Variants in BAP1 observed in about 807,000 individuals in gnomAD.
The protein encoded by BAP1 is ubiquitin carboxyl-terminal hydrolase BAP1.
A neutral mutation model predicts 77.2 loss-of-function variants in BAP1; 16 were observed. The observed-to-expected ratio is 0.21, with a 90% CI of 0.14 to 0.31. The LOEUF is 0.31. Among genes scored for constraint, BAP1 ranks in the 10% least tolerant of loss-of-function variants. BAP1 has a pLI of 1.00. For synonymous variants in BAP1, 362 were observed against 385.2 expected (o/e 0.94, Z 0.71); for missense variants, 699 against 967.3 (o/e 0.72, Z 3.68).
chr3:52,406,574 A>T lies in BAP1; in HGVS notation c.660-198T>A. ...TTCCAACAAGCTGTATGAGGGGCCT[A>T]TCTGGAAGTGAACCAGCAGACCTGG... On this transcript the variant is annotated intron_variant, in intron 8 of 16. Transcript: ENST00000460680. The surrounding 1 kb of genome is among the most constrained non-coding windows in gnomAD (Gnocchi z 4.6). The T allele has an allele frequency of 2.1e-6, 2 of 942,402 alleles. No homozygotes were observed. The highest frequency in any genetic ancestry group is 3.2e-6 in the Non-Finnish European group (2 of 621,792). The allele number at this position is 942,402 out of a possible 1,614,324, so 58.4% of individuals were successfully genotyped here. A position where few individuals can be genotyped will look rare whatever the true frequency, so the allele number is the denominator to read the frequency against.
Position 52,403,800 on chromosome 3 carries a change from C to T in BAP1, c.1345G>A (p.Ala449Thr), listed in dbSNP as rs764734266. ...VLQPNTINVLAEKLKESQKDL... is the reference protein window; with the variant it reads ...VLQPNTINVLTEKLKESQKDL... Reference sequence around the variant, plus strand: ...TTCTGGGACTCTTTGAGCTTCTCAGCCAAGACGTTGATGGTGTTGGGCTGC... The same window carrying T: ...TTCTGGGACTCTTTGAGCTTCTCAGTCAAGACGTTGATGGTGTTGGGCTGC... Residue 449 changes from alanine (A) to threonine (T), a missense_variant, in exon 13 of 17, where the codon GCT (alanine) becomes ACT (threonine). By Grantham distance (58) the Ala-to-Thr change is moderately conservative. This residue lies in a region of BAP1 where 475 missense variants were observed against 532.4 expected (regional missense o/e 0.89). Transcript: ENST00000460680. This position sits in a 1 kb window ranked among gnomAD's most constrained non-coding sequence, Gnocchi z 4.0. The T allele has an allele frequency of 1.9e-6, 3 of 1,613,972 alleles. No homozygotes were observed. The highest frequency in any genetic ancestry group is 2.7e-5 in the African/African-American group (2 of 74,878).
intron 4 of BAP1, 30 bp from the exon 5 acceptor site, chr3:52,408,107 C>G (rs1405016097): frequency 6.3e-7 from 1 of 1,580,582 alleles, no homozygotes; most frequent in East Asian, 2.3e-5. Context: ...CACCCATACA[C>G]AGCACCCCTC....
rs1578220972 is a variant in BAP1, at chr3:52,403,744, A to G, written c.1401T>C (p.Thr467=). 4 of 1,613,962 alleles carry G rather than the reference A, an allele frequency of 2.5e-6. No homozygotes were observed. In the South Asian group the frequency reaches 4.4e-5, roughly 18 times the overall value. The part of the protein sequence containing the change: ...KDLSIPLSIK[T]SSGAGSPAVA... ...CAGCCGGACTCCCAGCCCCGCTGCT[A>G]GTCTTGATGGACAGAGGAATTGAGA... The change falls in exon 13 of 17, where the codon ACT becomes ACC. Residue 467 remains threonine, a synonymous_variant. Coordinates refer to ENST00000460680, the MANE Select transcript of BAP1 (RefSeq NM_004656.4). This position sits in a 1 kb window ranked among gnomAD's most constrained non-coding sequence, Gnocchi z 4.0.
At position 52,404,559 on chromosome 3, in the gene BAP1, C is replaced by T. The variant is rs1290266682; in HGVS notation, c.1144G>A (p.Gly382Ser). Residue 382 changes from glycine (G) to serine (S), a missense_variant, in exon 12 of 17, where the codon GGC (glycine) becomes AGC (serine). Gly to Ser is a moderately conservative substitution (Grantham distance 56). Around this residue, in one of 3 missense-constraint regions of BAP1, gnomAD observed 475 missense variants for 532.4 expected, o/e 0.89. Coordinates refer to ENST00000460680, the MANE Select transcript of BAP1 (RefSeq NM_004656.4). ...GGGCGGACTGGAACTCGGCTGCGGC[C>T]CACACCTGCCGCCAGGTCTTCTTCC... is the stretch of plus-strand genomic sequence containing the variant. ...QEEEDLAAGV[G>S]RSRVPVRPPQ... The T allele has an allele frequency of 1.2e-6, 2 of 1,613,286 alleles. No individual in the cohort carries two copies. Among genetic ancestry groups the T allele is most frequent in the Non-Finnish European group, 1.7e-6 (2 of 1,179,852 alleles).
At position 52,401,954 on chromosome 3, in the gene BAP1, G is replaced by A; in HGVS notation, c.*334C>T. On this transcript the variant is annotated 3_prime_UTR_variant, in exon 17 of 17. Transcript: ENST00000460680. ...TGGTGGCATGTTGGGTTGGAGCCCA[G>A]AAAAATAGATGTCTCTGATAGGTAA... 1 of 452,290 alleles carries A rather than the reference G, an allele frequency of 2.2e-6. No homozygotes were observed. The highest frequency in any genetic ancestry group is 4.0e-6 in the Non-Finnish European group (1 of 248,048). The allele number at this position is 452,290 out of a possible 1,614,324, so 28.0% of individuals were successfully genotyped here. A position where few individuals can be genotyped will look rare whatever the true frequency, so the allele number is the denominator to read the frequency against.
chr3:52,409,431 C>T, intron 3 of BAP1, 123 bp downstream of exon 3: 3 of 1,318,450 alleles, frequency 2.3e-6, no homozygotes, highest in Non-Finnish European at 3.3e-6. Flanking sequence ...AGCAAGGCTG[C>T]TGCTTTCTGT....
intron 11 of BAP1, among the ~76,000 whole-genome samples, 188 bp from the exon 12 acceptor site, chr3:52,404,774 G>A (rs542819424): frequency 3.3e-5 from 5 of 152,308 alleles, no homozygotes; most frequent in South Asian, 2.1e-4. Flanking sequence ...AGAACCCCAC[G>A]GAGGGGTTTT....
At position 52,403,767 on chromosome 3, in the gene BAP1, A is replaced by T; in HGVS notation, c.1378T>A (p.Ser460Thr). The T allele has an allele frequency of 6.2e-7, 1 of 1,614,084 alleles. No homozygotes were observed. Among genetic ancestry groups the T allele is most frequent in the Non-Finnish European group, 8.5e-7 (1 of 1,180,026 alleles). ...EKLKESQKDL[S>T]IPLSIKTSSG... ...CTAGTCTTGATGGACAGAGGAATTG[A>T]GAGGTCCTTCTGGGACTCTTTGAGC... The change falls in exon 13 of 17, where the codon TCA (serine) becomes ACA (threonine). Residue 460 changes from serine (S) to threonine (T), a missense_variant. By Grantham distance (58) the Ser-to-Thr change is moderately conservative. Coordinates refer to ENST00000460680, the MANE Select transcript of BAP1 (RefSeq NM_004656.4). This position sits in a 1 kb window ranked among gnomAD's most constrained non-coding sequence, Gnocchi z 4.0.
rs1450323802 is a variant in BAP1, at chr3:52,405,826, G to C, written c.870C>G (p.Asn290Lys). The C allele has an allele frequency of 6.2e-7, 1 of 1,614,084 alleles. No homozygotes were observed. Among genetic ancestry groups the C allele is most frequent in the Non-Finnish European group, 8.5e-7 (1 of 1,180,044 alleles). ...QLPEESKSAS[N>K]KSPLVLEANR... ...TTGCTTCCAGCACCAGCGGGGACTT[G>C]TTGCTGGCTGACTTGGACTCCTCAG... Residue 290 changes from asparagine to lysine, a missense_variant, in exon 10 of 17, where the codon AAC (asparagine) becomes AAG (lysine). Coordinates refer to ENST00000460680, the MANE Select transcript of BAP1 (RefSeq NM_004656.4).
In BAP1 at chr3:52,402,747, G is replaced by A. The variant is rs2153226264; in HGVS notation, c.1983+32C>T. The A allele has an allele frequency of 6.2e-7, 1 of 1,614,174 alleles. No individual in the cohort carries two copies. The highest frequency in any genetic ancestry group is 8.5e-7 in the Non-Finnish European group (1 of 1,180,000). On this transcript the variant is annotated intron_variant, in intron 15 of 16. Transcript: ENST00000460680. This position sits in a 1 kb window ranked among gnomAD's most constrained non-coding sequence, Gnocchi z 5.3. ...GCAGCCACCAGTGGACCTCGGGAGA[G>A]GCCAGATCAGGCAACTGGAGAAATC...
chr3:52,408,597 A>G lies in BAP1; in HGVS notation c.132T>C (p.Tyr44=), dbSNP rs1265456777. 6.2e-7 allele frequency: 1 copy of G among 1,609,758 alleles called. No individual in the cohort carries two copies. Among genetic ancestry groups the G allele is most frequent in the Non-Finnish European group, 8.5e-7 (1 of 1,178,260 alleles). The change falls in exon 4 of 17, where the codon TAT becomes TAC. Residue 44 remains tyrosine (Y), a synonymous_variant. Coordinates refer to ENST00000460680, the MANE Select transcript of BAP1 (RefSeq NM_004656.4). ...TCCATTTGAACAGGAAGATAAATCC[A>G]TATACAGGGCTGGGGGAAGTAAGGG... is the stretch of plus-strand genomic sequence containing the variant. ...DLQSKCQGPV[Y]GFIFLFKWIE...
Position 52,406,686 on chromosome 3 carries a change from A to G in BAP1, c.659+143T>C. The G allele has an allele frequency of 9.2e-7, 1 of 1,083,580 alleles. No homozygotes were observed. The highest frequency in any genetic ancestry group is 1.4e-5 in the South Asian group (1 of 72,022). 67.1% of individuals were successfully genotyped at this position (1,083,580 alleles called of 1,614,324 possible). A position where few individuals can be genotyped will look rare whatever the true frequency, so the allele number is the denominator to read the frequency against. ...CAGCCCAGGCAGGAAATAAGACAAC[A>G]AGTTGAGAACCCATGATCTAAGCCT... On this transcript the variant is annotated intron_variant, in intron 8 of 16. Coordinates refer to ENST00000460680, the MANE Select transcript of BAP1 (RefSeq NM_004656.4). The surrounding 1 kb of genome is among the most constrained non-coding windows in gnomAD (Gnocchi z 4.6).
At chr3:52,409,491 G>A (rs1223247197) in intron 3 of BAP1, 63 bp downstream of exon 3, 27 of 1,602,276 alleles carry the variant, frequency 1.7e-5, no homozygotes, top group Non-Finnish European at 2.1e-5. Context: ...AAGGGGCCCT[G>A]TTCTCTGGGA....
In BAP1 at chr3:52,404,509, C is replaced by T. The variant is rs2153226853; in HGVS notation, c.1194G>A (p.Glu398=). 1 of 1,614,232 alleles carries T rather than the reference C, an allele frequency of 6.2e-7. No individual in the cohort carries two copies. Among genetic ancestry groups the T allele is most frequent in the Non-Finnish European group, 8.5e-7 (1 of 1,180,046 alleles). Residue 398 remains glutamate (E), a synonymous_variant, in exon 12 of 17, where the codon GAG becomes GAA. Transcript: ENST00000460680. Reference sequence around the variant, plus strand: ...CCTCCTCGTCATCCTCATAGTCATCCTCATCATCTGAGTACTGCTGGGGTG... The same window carrying T: ...CCTCCTCGTCATCCTCATAGTCATCTTCATCATCTGAGTACTGCTGGGGTG... ...VRPPQQYSDD[E]DDYEDDEEDD...
rs570601012 is a variant in BAP1, at chr3:52,409,922, TC to T, written c.-45del. The T allele has an allele frequency of 3.3e-5, 53 of 1,596,150 alleles. No individual in the cohort carries two copies. In the African/African-American group the frequency reaches 6.4e-4, roughly 19 times the overall value. On this transcript the variant is annotated 5_prime_UTR_variant, in exon 1 of 17. Coordinates refer to ENST00000460680, the MANE Select transcript of BAP1 (RefSeq NM_004656.4). Reference sequence around the variant, plus strand: ...CTCAGCGCCATGTCCAGGCCCTCCCTCCCCACCGCTGCCCCCACCGGGAGCC... The same window carrying T: ...CTCAGCGCCATGTCCAGGCCCTCCCTCCCACCGCTGCCCCCACCGGGAGCC...
At position 52,406,925 on chromosome 3, in the gene BAP1, A is replaced by G; in HGVS notation, c.581-18T>C. 1 of 1,565,760 alleles carries G rather than the reference A, an allele frequency of 6.4e-7. No homozygotes were observed. Among genetic ancestry groups the G allele is most frequent in the East Asian group, 2.4e-5 (1 of 42,156 alleles). On this transcript the variant is annotated intron_variant, in intron 7 of 16. Transcript: ENST00000460680. The surrounding 1 kb of genome is among the most constrained non-coding windows in gnomAD (Gnocchi z 4.6). ...CCAGGGCCCTAGTGGAGACCAAGAC[A>G]AGGAATCAGCGAGAAGGAAACCCTG...
intron 7 of BAP1, 122 bp from the exon 8 acceptor site, chr3:52,407,029 T>C (rs1342119348): frequency 2.0e-6 from 3 of 1,494,400 alleles, no homozygotes; most frequent in African/African-American, 1.4e-5. Flanking sequence ...TCGGGCAATA[T>C]GGTGTAGGGT....
At chr3:52,404,325 C>T in intron 12 of BAP1, 128 bp downstream of exon 12, 3 of 1,521,106 alleles carry the variant, frequency 2.0e-6, no homozygotes, top group Non-Finnish European at 2.7e-6. Context: ...TGCCAGCCTC[C>T]CCCAGGGCCC....
At position 52,401,847 on chromosome 3, in the gene BAP1, C is replaced by A. The variant is rs146324979; in HGVS notation, c.*441G>T. ...CCCAGCTAGGACCCTGTAGTTGGGA[C>A]CGTGGCATGATACAAGGACCTGGGC... On this transcript the variant is annotated 3_prime_UTR_variant, in exon 17 of 17. Coordinates refer to ENST00000460680, the MANE Select transcript of BAP1 (RefSeq NM_004656.4). 9.5e-4 allele frequency: 279 copies of A among 292,926 alleles called. 1 individual carries two copies. Among genetic ancestry groups the A allele is most frequent in the African/African-American group, 5.4e-3 (254 of 47,150 alleles). The allele number at this position is 292,926 out of a possible 1,614,324, so 18.1% of individuals were successfully genotyped here.
Sources: gnomAD v4.1 joint callset for allele counts (sites outside exome capture counted in the v4.1 genomes callset) on GRCh38, gnomAD v4.1.1 for gene constraint, gnomAD v4.1.1 regional missense constraint, Gnocchi (gnomAD v3.1) non-coding constraint, MANE v1.5 for transcripts, NCBI Gene and HGNC (gene_info 2026-07-23, HGNC 2026-07-21) for gene names.